PRKCE: variants seen among roughly 807,000 people sequenced by gnomAD.
The protein encoded by PRKCE is protein kinase C epsilon type.
In PRKCE, 16 loss-of-function variants were observed where a neutral mutation model predicts 85.4. The observed-to-expected ratio is 0.19, with a 90% CI of 0.13 to 0.28. The LOEUF is 0.28. PRKCE is among the 10% of genes least tolerant of loss of function. The pLI, the probability that PRKCE is intolerant of heterozygous loss-of-function variation, is 1.00. For synonymous variants in PRKCE, 388 were observed against 371.5 expected (o/e 1.04, Z -0.51); for missense variants, 573 against 975.2 (o/e 0.59, Z 5.49).
chr2:45,949,402 G>GTTTTTTTTTTTTTTTTTTTTTTTGTTTT (rs35033431), intron 2 of PRKCE, among the ~76,000 whole-genome samples: 3 of 118,742 alleles, frequency 2.5e-5, no homozygotes, highest in African/African-American at 3.1e-5. Context: ...TATTTTGCTT[G>GTTTTTTTTTTTTTTTTTTTTTTTGTTTT]TTTTTTTTTT....
chr2:46,079,102 G>A (rs1422335739), intron 10 of PRKCE, among the ~76,000 whole-genome samples: 2 of 148,274 alleles, frequency 1.3e-5, no homozygotes, highest in Non-Finnish European at 3.0e-5. Context: ...GCTTGAACCC[G>A]AAGGTGGAGA....
chr2:45,665,866 A>G (rs949520626), intron 1 of PRKCE, among the ~76,000 whole-genome samples: 2 of 152,174 alleles, frequency 1.3e-5, no homozygotes, highest in African/African-American at 2.4e-5. Flanking sequence ...AAACATGCCC[A>G]GGAATGGATC....
chr2:45,982,964 G>C (rs116748331), intron 5 of PRKCE, among the ~76,000 whole-genome samples: 185 of 152,318 alleles, frequency 1.2e-3, no homozygotes, highest in African/African-American at 4.3e-3. Context: ...GGTATGTGTA[G>C]GAATAGAGTG....
chr2:45,939,321 C>T (rs1338908132), intron 2 of PRKCE, among the ~76,000 whole-genome samples: 1 of 152,172 alleles, frequency 6.6e-6, no homozygotes, highest in East Asian at 1.9e-4. Context: ...GCACTGCCAC[C>T]TTCCCCTGTG....
intron 1 of PRKCE, among the ~76,000 whole-genome samples, chr2:45,796,232 C>T (rs6544852): frequency 0.14 from 20,897 of 152,166 alleles, 1,544 homozygotes; most frequent in East Asian, 0.16. Flanking sequence ...GTTTGTATAA[C>T]GTAGTAATTG....
intron 9 of PRKCE, among the ~76,000 whole-genome samples, chr2:46,007,883 A>T (rs896348126): frequency 7.9e-5 from 12 of 152,290 alleles, no homozygotes; most frequent in African/African-American, 2.9e-4. Context: ...ATCTCTTTGG[A>T]ATTCAATTTT....
intron 1 of PRKCE, among the ~76,000 whole-genome samples, chr2:45,838,407 G>A (rs1691068645): frequency 6.6e-6 from 1 of 152,162 alleles, no homozygotes; most frequent in African/African-American, 2.4e-5. Context: ...AGAGAATATT[G>A]CTGTCTCACA....
intron 13 of PRKCE, among the ~76,000 whole-genome samples, chr2:46,158,184 C>G (rs147076325): frequency 3.3e-5 from 5 of 152,270 alleles, no homozygotes; most frequent in African/African-American, 9.6e-5. Context: ...TTAAATAAAC[C>G]AGAAGCCTGG....
chr2:45,665,092 C>G (rs1295862850), intron 1 of PRKCE, among the ~76,000 whole-genome samples: 1 of 152,214 alleles, frequency 6.6e-6, no homozygotes, highest in Non-Finnish European at 1.5e-5. Context: ...TTACTGTACT[C>G]TCAGTGAGGA....
At chr2:46,118,968 TG>T (rs1673049569) in intron 11 of PRKCE, among the ~76,000 whole-genome samples, 1 of 151,998 alleles carries the variant, frequency 6.6e-6, no homozygotes, top group African/African-American at 2.4e-5. Context: ...GGAGACTAAA[TG>T]GGTTAGAAGT....
rs1051211620 is a variant in PRKCE, at chr2:45,669,512, T to G, written c.348+17064T>G. ...TCTGTGCCTGGGACTGGACTGAGCT[T>G]GATACAGTGGGGGCTCCAATAGAGA... On this transcript the variant is annotated intron_variant, in intron 1 of 14. Transcript: ENST00000306156. 2.6e-5 allele frequency among the ~76,000 whole-genome samples: 4 copies of G among 152,310 alleles called. No homozygotes were observed. The East Asian group carries it at 7.7e-4, about 29-fold the overall frequency.
chr2:45,773,539 C>G (rs1685509146), intron 1 of PRKCE, among the ~76,000 whole-genome samples: 1 of 152,142 alleles, frequency 6.6e-6, no homozygotes, highest in Non-Finnish European at 1.5e-5. Context: ...CTTGCTGACT[C>G]CAAAGGCCTT....
intron 2 of PRKCE, among the ~76,000 whole-genome samples, chr2:45,927,752 A>G (rs774741537): frequency 2.2e-4 from 33 of 152,256 alleles, no homozygotes; most frequent in Non-Finnish European, 4.0e-4. Flanking sequence ...CCCATTAAAT[A>G]GATAAACACA....
At chr2:45,980,496 G>A in intron 5 of PRKCE, 115 bp downstream of exon 5, 1 of 986,140 alleles carries the variant, frequency 1.0e-6, no homozygotes, top group African/African-American at 1.6e-5. Context: ...TCATTTCATT[G>A]TGTTGATAAA....
At chr2:45,737,074 A>C (rs1001726264) in intron 1 of PRKCE, among the ~76,000 whole-genome samples, 1 of 152,110 alleles carries the variant, frequency 6.6e-6, no homozygotes, top group Non-Finnish European at 1.5e-5. Flanking sequence ...CAGGCCCCAC[A>C]CCTGGCCACC....
chr2:45,960,289 G>T (rs965579578), intron 2 of PRKCE, among the ~76,000 whole-genome samples: 3 of 152,176 alleles, frequency 2.0e-5, no homozygotes, highest in African/African-American at 4.8e-5. Context: ...CTTAGTGCCG[G>T]TTTCCTCATT....
At chr2:45,904,749 C>T (rs148178542) in intron 2 of PRKCE, among the ~76,000 whole-genome samples, 177 of 152,324 alleles carry the variant, frequency 1.2e-3, no homozygotes, top group Non-Finnish European at 1.9e-3. Flanking sequence ...GTCCCAGATG[C>T]GCTCCTCTTT....
intron 2 of PRKCE, among the ~76,000 whole-genome samples, chr2:45,900,865 A>G (rs1456740698): frequency 6.6e-6 from 1 of 152,258 alleles, no homozygotes; most frequent in Admixed American, 6.5e-5. Context: ...ATTGAACCAG[A>G]CAGAAGGCCT....
chr2:45,661,067 T>C (rs1174076965), intron 1 of PRKCE, among the ~76,000 whole-genome samples: 1 of 152,176 alleles, frequency 6.6e-6, no homozygotes, highest in Non-Finnish European at 1.5e-5. Context: ...CCTTGAAGTC[T>C]CAAAGAGGTA....
Sources: gnomAD v4.1 joint callset for allele counts (sites outside exome capture counted in the v4.1 genomes callset) on GRCh38, gnomAD v4.1.1 for gene constraint, MANE v1.5 for transcripts, NCBI Gene and HGNC (gene_info 2026-07-23, HGNC 2026-07-21) for gene names.